ZNF528: variants seen among roughly 807,000 people sequenced by gnomAD.
ZNF528 encodes zinc finger protein 528.
ZNF528 carries 9 observed loss-of-function variants against 13.3 expected under a neutral mutation model. The observed-to-expected ratio is 0.67, with a 90% CI of 0.41 to 1.18. The LOEUF (loss-of-function observed/expected upper bound fraction) is 1.18, where lower values mean the gene tolerates loss of function less well. Ranked by LOEUF, ZNF528 falls within the 50% of genes most tolerant of loss-of-function variation. The pLI is 0.01. For synonymous variants in ZNF528, 264 were observed against 254.3 expected (o/e 1.04, Z -0.36); for missense variants, 858 against 745.4 (o/e 1.15, Z -1.76).
chr19:52,415,688 G>A lies in ZNF528; in HGVS notation c.836G>A (p.Arg279Gln), dbSNP rs202043315. ...TGTCATGAATGTGACAAGGTCTTTC[G>A]AAGCAGTTCAAAGCTTGCACAACAT... ...YKCHECDKVF[R>Q]SSSKLAQHQR... The change falls in exon 7 of 7, where the codon CGA becomes CAA. Residue 279 changes from arginine to glutamine, a missense_variant. Arg to Gln is a conservative substitution (Grantham distance 43). Transcript: ENST00000360465. The A allele has an allele frequency of 4.0e-5, 65 of 1,613,832 alleles. No homozygotes were observed. In the Middle Eastern group the frequency reaches 6.6e-4, roughly 16 times the overall value.
At chr19:52,408,499 A>C (rs1471208117) in intron 6 of ZNF528, 1 of 152,138 alleles carries the variant, frequency 6.6e-6, no homozygotes, top group Non-Finnish European at 1.5e-5. Context: ...AAGAATTAAA[A>C]GTCAAGTTAC....
intron 2 of ZNF528, among the ~76,000 whole-genome samples, chr19:52,399,186 G>A (rs750906153): frequency 2.6e-5 from 4 of 152,088 alleles, no homozygotes; most frequent in African/African-American, 9.7e-5. Flanking sequence ...GAGAATGAGA[G>A]ATATGTACAG....
chr19:52,403,401 C>T (rs2058817694), intron 4 of ZNF528, among the ~76,000 whole-genome samples: 1 of 152,050 alleles, frequency 6.6e-6, no homozygotes, highest in South Asian at 2.1e-4. Flanking sequence ...TGCAGTGGCT[C>T]ACCCCTGTAA....
chr19:52,407,294 A>C (rs1458515431), intron 6 of ZNF528, among the ~76,000 whole-genome samples: 1 of 151,926 alleles, frequency 6.6e-6, no homozygotes, highest in Non-Finnish European at 1.5e-5. Flanking sequence ...GTACGCCACC[A>C]TGCCTGGCTA....
At position 52,416,050 on chromosome 19, in the gene ZNF528, C is replaced by G. The variant is rs1568432302; in HGVS notation, c.1198C>G (p.Gln400Glu). ...GCGCAAGTGTTTCCTGACCTCTCAT[C>G]AGAGAATTCATACTAGAGAGAGACC... ...FGRKCFLTSH[Q>E]RIHTRERPYG... Residue 400 changes from glutamine to glutamate, a missense_variant, in exon 7 of 7, where the codon CAG becomes GAG. Gln to Glu is a conservative substitution (Grantham distance 29, BLOSUM62 2). Coordinates refer to ENST00000360465, the MANE Select transcript of ZNF528 (RefSeq NM_032423.3). 5 of 1,613,934 alleles carry G rather than the reference C, an allele frequency of 3.1e-6. No homozygotes were observed. In the Admixed American group the frequency reaches 5.0e-5, roughly 16 times the overall value.
At chr19:52,403,979 C>T (rs2058825994) in intron 4 of ZNF528, among the ~76,000 whole-genome samples, 1 of 151,852 alleles carries the variant, frequency 6.6e-6, no homozygotes, top group African/African-American at 2.4e-5. Context: ...GATATAATGA[C>T]CTTTTAGGCA....
In ZNF528 at chr19:52,405,983, C is replaced by CTTTA; in HGVS notation, c.94_97dup (p.Tyr33PhefsTer11). 6.2e-7 allele frequency: 1 copy of CTTTA among 1,612,066 alleles called. No individual in the cohort carries two copies. The highest frequency in any genetic ancestry group is 8.5e-7 in the Non-Finnish European group (1 of 1,178,572). On this transcript the variant is annotated frameshift_variant, in exon 5 of 7. Coordinates refer to ENST00000360465, the MANE Select transcript of ZNF528 (RefSeq NM_032423.3). LOFTEE classifies it high-confidence loss of function. ...AAATGCCTGGACCCTGCGCAGAGGA[C>CTTTA]TTTATACAGGGACGTGATGTTGGAG...
chr19:52,415,132 T>C lies in ZNF528; in HGVS notation c.280T>C (p.Ser94Pro), dbSNP rs766080407. The change falls in exon 7 of 7, where the codon TCT (serine) becomes CCT (proline). Residue 94 changes from serine to proline, a missense_variant. Ser to Pro is a moderately conservative substitution (Grantham distance 74, BLOSUM62 -1). Transcript: ENST00000360465. ...TTTTCTTTCTGTTTTAGAGAGGAGCTCTAAATTGGGAAGTAATGCAGGAAA... is the reference window on the plus strand; with the variant it reads ...TTTTCTTTCTGTTTTAGAGAGGAGCCCTAAATTGGGAAGTAATGCAGGAAA... ...CIKGVNTERS[S>P]KLGSNAGNKP... The C allele has an allele frequency of 3.1e-6, 5 of 1,608,934 alleles. No individual in the cohort carries two copies. The Admixed American group carries it at 8.5e-5, about 27-fold the overall frequency.
rs1312860131 is a variant in ZNF528, at chr19:52,406,011, T to C, written c.120T>C (p.Asn40=). ...RTLYRDVMLE[N]YRNLVSLGIC... ...TATACAGGGACGTGATGTTGGAGAA[T>C]TATAGGAACCTGGTCTCCCTGGGTG... Residue 40 remains asparagine, a synonymous_variant, in exon 5 of 7, where the codon AAT becomes AAC. Transcript: ENST00000360465. 1 of 1,610,936 alleles carries C rather than the reference T, an allele frequency of 6.2e-7. No homozygotes were observed. The highest frequency in any genetic ancestry group is 1.3e-5 in the African/African-American group (1 of 74,854).
At chr19:52,402,337 T>G in intron 4 of ZNF528, 1 of 506,674 alleles carries the variant, frequency 2.0e-6, no homozygotes, top group Non-Finnish European at 3.5e-6. Context: ...GGATCACATC[T>G]GGATGCACTG....
Position 52,415,570 on chromosome 19 carries a change from C to T in ZNF528, c.718C>T (p.Pro240Ser), listed in dbSNP as rs755512187. The T allele has an allele frequency of 1.9e-6, 3 of 1,614,034 alleles. No homozygotes were observed. Among genetic ancestry groups the T allele is most frequent in the Non-Finnish European group, 2.5e-6 (3 of 1,180,042 alleles). The change falls in exon 7 of 7, where the codon CCT (proline) becomes TCT (serine). Residue 240 changes from proline to serine, a missense_variant. Coordinates refer to ENST00000360465, the MANE Select transcript of ZNF528 (RefSeq NM_032423.3). ...TCGAAGAATGCATACTGGAGAGAAG[C>T]CTTACAAATGTCATGAATGTGGCAA... ...IHRRMHTGEK[P>S]YKCHECGKLF...
At position 52,417,210 on chromosome 19, in the gene ZNF528, A is replaced by G. The variant is rs535580697; in HGVS notation, c.*471A>G. 1.1e-4 allele frequency: 31 copies of G among 292,430 alleles called. No homozygotes were observed. Among genetic ancestry groups the G allele is most frequent in the South Asian group, 9.4e-4 (29 of 30,794 alleles). 18.1% of individuals were successfully genotyped at this position (292,430 alleles called of 1,614,324 possible). A position where few individuals can be genotyped will look rare whatever the true frequency, so the allele number is the denominator to read the frequency against. ...AAATCTTTTCATGTGCCTTCCATAC[A>G]GGCCATTCACTGTGGTCCCTGGGAA... is the stretch of plus-strand genomic sequence containing the variant. On this transcript the variant is annotated 3_prime_UTR_variant, in exon 7 of 7. Coordinates refer to ENST00000360465, the MANE Select transcript of ZNF528 (RefSeq NM_032423.3).
chr19:52,412,789 C>T (rs1050864685), intron 6 of ZNF528: 5 of 152,062 alleles, frequency 3.3e-5, no homozygotes, highest in East Asian at 1.9e-4. Flanking sequence ...CTGGTTTTAC[C>T]GCAAGTACAA....
In ZNF528 at chr19:52,416,146, A is replaced by G. The variant is rs1216227626; in HGVS notation, c.1294A>G (p.Thr432Ala). 3.1e-6 allele frequency: 5 copies of G among 1,613,922 alleles called. No individual in the cohort carries two copies. Among genetic ancestry groups the G allele is most frequent in the Admixed American group, 1.7e-5 (1 of 59,992 alleles). ...SDLIRHRKTH[T>A]DEKPYKCNKC... ...CCTTATACGACATCGAAAAACTCATACTGATGAGAAGCCTTACAAATGTAA... is the reference window on the plus strand; with the variant it reads ...CCTTATACGACATCGAAAAACTCATGCTGATGAGAAGCCTTACAAATGTAA... Residue 432 changes from threonine (T) to alanine (A), a missense_variant, in exon 7 of 7, where the codon ACT (threonine) becomes GCT (alanine). Transcript: ENST00000360465.
chr19:52,411,442 T>C (rs2058929875), intron 6 of ZNF528: 1 of 152,232 alleles, frequency 6.6e-6, no homozygotes. Flanking sequence ...TGTGCATTAA[T>C]AGCTCTCAAA....
At chr19:52,411,547 A>T (rs546086527) in intron 6 of ZNF528, 1 of 152,270 alleles carries the variant, frequency 6.6e-6, no homozygotes, top group African/African-American at 2.4e-5. Context: ...CCTGCATTCA[A>T]TTGTTCTTTT....
chr19:52,406,464 T>G, intron 5 of ZNF528, 51 bp from the exon 6 acceptor site: 1 of 1,589,132 alleles, frequency 6.3e-7, no homozygotes, highest in Non-Finnish European at 8.5e-7. Context: ...AATACAGGGC[T>G]TGGACTTGGG....
rs1286587751 is a variant in ZNF528, at chr19:52,416,335, T to G, written c.1483T>G (p.Cys495Gly). 6.2e-7 allele frequency: 1 copy of G among 1,613,952 alleles called. No individual in the cohort carries two copies. Residue 495 changes from cysteine to glycine, a missense_variant, in exon 7 of 7, where the codon TGT (cysteine) becomes GGT (glycine). Coordinates refer to ENST00000360465, the MANE Select transcript of ZNF528 (RefSeq NM_032423.3). ...RIHTGEKPYK[C>G]NRCGKVFSRS... ...TCATACTGGAGAGAAGCCTTACAAA[T>G]GTAACAGATGTGGCAAGGTCTTCAG...
intron 6 of ZNF528, chr19:52,414,422 G>A (rs2058972812): frequency 3.1e-6 from 2 of 646,354 alleles, no homozygotes; most frequent in East Asian, 5.5e-5. Context: ...CAAGGGCCCT[G>A]AGCTTTAGAG....
Sources: allele counts gnomAD v4.1 joint callset (sites outside exome capture counted in the v4.1 genomes callset), GRCh38; gene constraint gnomAD v4.1.1; transcripts MANE v1.5; gene names NCBI Gene and HGNC (gene_info 2026-07-23, HGNC 2026-07-21).